Variants in WBP1L observed in about 807,000 individuals in gnomAD.
The protein encoded by WBP1L is WW domain binding protein 1 like.
Under a neutral mutation model 33.7 loss-of-function variants are expected in WBP1L, and 17 were observed. The observed-to-expected ratio is 0.50, with a 90% CI of 0.34 to 0.76. WBP1L has a LOEUF of 0.76. Among genes scored for constraint, WBP1L ranks in the 30% least tolerant of loss-of-function variants. The pLI, the probability that WBP1L is intolerant of heterozygous loss-of-function variation, is 0.01. For synonymous variants in WBP1L, 173 were observed against 190.8 expected, an observed-to-expected ratio of 0.91 and a Z score of 0.77; for missense variants, 389 against 469.4, an observed-to-expected ratio of 0.83 and a Z score of 1.58.
At chr10:102,748,254 T>C (rs1306387832) in intron 1 of WBP1L, among the ~76,000 whole-genome samples, 1 of 149,702 alleles carries the variant, frequency 6.7e-6, no homozygotes, top group Non-Finnish European at 1.5e-5. Flanking sequence ...CGAGACTCCG[T>C]CTCAAAAAAA....
At chr10:102,775,837 G>A (rs1457681108) in intron 1 of WBP1L, among the ~76,000 whole-genome samples, 1 of 152,092 alleles carries the variant, frequency 6.6e-6, no homozygotes, top group African/African-American at 2.4e-5. Flanking sequence ...TCTTTCCCAG[G>A]GAGGAGAAAC....
rs377211700 is a variant in WBP1L at position 102,757,876 on chromosome 10, T to TC, written c.90+13744dup. On this transcript the variant is annotated intron_variant, in intron 1 of 3. Transcript: ENST00000448841. ...ACAGCATGAGCCACTGTACCTGCCC[T>TC]CCCCCCCCCCCTTTTTTTTTTTTTT... Among the ~76,000 whole-genome samples the TC allele has an allele frequency of 5.9e-3, 232 of 39,152 alleles. 10 individuals are homozygous for TC. Among genetic ancestry groups the TC allele is most frequent in the South Asian group, 0.034 (26 of 762 alleles). The allele number at this position is 39,152 out of a possible 152,430, so 25.7% of individuals were successfully genotyped here.
intron 2 of WBP1L, among the ~76,000 whole-genome samples, chr10:102,799,347 C>T (rs983543712): frequency 6.6e-6 from 1 of 151,914 alleles, no homozygotes; most frequent in Non-Finnish European, 1.5e-5. Flanking sequence ...AGAAAAATGC[C>T]ATGTGGAAAC....
intron 1 of WBP1L, among the ~76,000 whole-genome samples, chr10:102,791,678 C>T (rs1843500529): frequency 6.6e-6 from 1 of 152,180 alleles, no homozygotes; most frequent in African/African-American, 2.4e-5. Context: ...GCAGGGAAAG[C>T]CAGAGGTGAT....
rs79893302 is a variant in WBP1L, at chr10:102,764,573, G to T, written c.90+20430G>T. ...AAAGGGTTCAGCGTCCCCTGCATCT[G>T]GTATGATGCCCTCTCTGGTTTCACC... is the stretch of plus-strand genomic sequence containing the variant. On this transcript the variant is annotated intron_variant, in intron 1 of 3. Coordinates refer to ENST00000448841, the MANE Select transcript of WBP1L (RefSeq NM_001083913.2). 2.4e-3 allele frequency among the ~76,000 whole-genome samples: 368 copies of T among 152,220 alleles called. 3 individuals carry two copies. Among genetic ancestry groups the T allele is most frequent in the African/African-American group, 8.5e-3 (352 of 41,530 alleles).
chr10:102,744,571 A>G (rs1842842246), intron 1 of WBP1L: 1 of 843,576 alleles, frequency 1.2e-6, no homozygotes, highest in Admixed American at 6.2e-5. Context: ...ATATTTCTTT[A>G]AGGATGGACT....
chr10:102,806,554 C>T (rs1394193651), intron 2 of WBP1L, among the ~76,000 whole-genome samples: 2 of 152,156 alleles, frequency 1.3e-5, no homozygotes, highest in African/African-American at 2.4e-5. Flanking sequence ...ATAAGTTAAG[C>T]AAGTTTGACT....
At chr10:102,752,332 A>G (rs1842932154) in intron 1 of WBP1L, among the ~76,000 whole-genome samples, 1 of 152,106 alleles carries the variant, frequency 6.6e-6, no homozygotes, top group South Asian at 2.1e-4. Context: ...TTGCAAGAAC[A>G]ACATAGCATT....
intron 2 of WBP1L, among the ~76,000 whole-genome samples, chr10:102,799,973 G>A (rs1040084478): frequency 1.3e-5 from 2 of 152,156 alleles, no homozygotes; most frequent in Non-Finnish European, 2.9e-5. Flanking sequence ...CCTTTCTGAG[G>A]AATTCCAGGA....
intron 1 of WBP1L, among the ~76,000 whole-genome samples, chr10:102,762,685 A>G (rs935464285): frequency 6.6e-6 from 1 of 152,198 alleles, no homozygotes; most frequent in African/African-American, 2.4e-5. Context: ...GTGAAGAGAG[A>G]ATTTTGGGGA....
At chr10:102,746,264 C>A in intron 1 of WBP1L, 1 of 643,632 alleles carries the variant, frequency 1.6e-6, no homozygotes. Context: ...TGTGGCACTT[C>A]TAATACTTAA....
chr10:102,761,222 C>G, intron 1 of WBP1L, among the ~76,000 whole-genome samples: 1 of 151,492 alleles, frequency 6.6e-6, no homozygotes, highest in East Asian at 1.9e-4. Flanking sequence ...TCACTGCAGC[C>G]TCTACCTCCT....
intron 2 of WBP1L, among the ~76,000 whole-genome samples, chr10:102,805,294 T>A (rs981132233): frequency 3.3e-5 from 5 of 152,130 alleles, no homozygotes; most frequent in African/African-American, 1.2e-4. Flanking sequence ...TTATTTTAAT[T>A]AAATTTTTTA....
intron 1 of WBP1L, chr10:102,776,494 G>C (rs1477323820): frequency 6.3e-7 from 1 of 1,594,444 alleles, no homozygotes; most frequent in African/African-American, 1.3e-5. Context: ...TGCTTTGGGT[G>C]GAGGGAATAT....
intron 1 of WBP1L, among the ~76,000 whole-genome samples, chr10:102,761,679 A>G (rs1042244348): frequency 2.6e-5 from 4 of 151,848 alleles, no homozygotes; most frequent in South Asian, 2.1e-4. Flanking sequence ...GATGGTCTCA[A>G]TTTCCTGATC....
chr10:102,770,069 A>G (rs985476549), intron 1 of WBP1L, among the ~76,000 whole-genome samples: 11 of 152,198 alleles, frequency 7.2e-5, no homozygotes, highest in African/African-American at 2.4e-4. Context: ...TAAGCAACCT[A>G]TAGTGTTTCT....
chr10:102,778,126 T>G (rs1439593562), intron 1 of WBP1L, among the ~76,000 whole-genome samples: 2 of 152,202 alleles, frequency 1.3e-5, no homozygotes, highest in East Asian at 3.9e-4. Flanking sequence ...CACGAAAGAA[T>G]GTATGTGAAC....
At chr10:102,791,824 A>G (rs1196813925) in intron 1 of WBP1L, among the ~76,000 whole-genome samples, 1 of 152,216 alleles carries the variant, frequency 6.6e-6, no homozygotes, top group East Asian at 1.9e-4. Context: ...TGTTGCCATT[A>G]GCCAGTTGCT....
rs1408126541 is a variant in WBP1L, at chr10:102,768,536, G to A, written c.90+24393G>A. 1.5e-4 allele frequency among the ~76,000 whole-genome samples: 9 copies of A among 59,006 alleles called. 3 individuals carry two copies. The highest frequency in any genetic ancestry group is 1.3e-3 in the Admixed American group (8 of 6,234). The allele number at this position is 59,006 out of a possible 152,430, so 38.7% of individuals were successfully genotyped here. The stretch of plus-strand genomic sequence containing the variant: ...CCAGTAGCTGTGACTACAGGCGCCC[G>A]CCACCGCGCCCGGCTAATTTTTTTT... On this transcript the variant is annotated intron_variant, in intron 1 of 3. Transcript: ENST00000448841.
Sources: allele counts gnomAD v4.1 joint callset (sites outside exome capture counted in the v4.1 genomes callset), GRCh38; gene constraint gnomAD v4.1.1; transcripts MANE v1.5; gene names NCBI Gene and HGNC (gene_info 2026-07-23, HGNC 2026-07-21).